COL2A1: variants seen among roughly 807,000 people sequenced by gnomAD.
The protein encoded by COL2A1 is collagen type II alpha 1 chain.
COL2A1 carries 28 observed loss-of-function variants against 204.5 expected under a neutral mutation model. That is an observed-to-expected ratio of 0.14 (90% CI 0.10 to 0.19). COL2A1 has a LOEUF of 0.19. COL2A1 is among the 10% of genes least tolerant of loss of function. The probability of loss-of-function intolerance (pLI) is 1.00; values close to 1 mark genes in which losing one functional copy is unlikely to be tolerated. For synonymous variants in COL2A1, 708 were observed against 718.7 expected, an observed-to-expected ratio of 0.99 and a Z score of 0.24; for missense variants, 1,388 against 2,027.5, an observed-to-expected ratio of 0.68 and a Z score of 6.06.
rs141423593 is a variant in COL2A1, at chr12:47,980,605, G to A, written c.2574C>T (p.Gly858=). 5,612 of 1,612,844 alleles carry A rather than the reference G, an allele frequency of 3.5e-3. 18 individuals are homozygous for A. The highest frequency in any genetic ancestry group is 4.1e-3 in the Non-Finnish European group (4,837 of 1,179,650). ...CCTGAGGACCAGGGGCACCAGCATC[G>A]CCTTTCTGGCCGGCCTCTCCTTGCT... ...KGEQGEAGQK[G]DAGAPGPQGP... is the part of the protein sequence containing the mutation. The change falls in exon 39 of 54, where the codon GGC becomes GGT. Residue 858 remains glycine (G), a synonymous_variant. Coordinates refer to ENST00000380518, the MANE Select transcript of COL2A1 (RefSeq NM_001844.5). This position sits in a 1 kb window ranked among gnomAD's most constrained non-coding sequence, Gnocchi z 4.5.
At chr12:47,999,679 GTC>G in intron 2 of COL2A1, 2 of 327,460 alleles carry the variant, frequency 6.1e-6, no homozygotes, top group Non-Finnish European at 1.0e-5. Context: ...TCCTTCATGT[GTC>G]TTGGAAGCAA....
intron 16 of COL2A1, among the ~76,000 whole-genome samples, chr12:47,990,562 T>C (rs565115269): frequency 6.6e-5 from 10 of 152,308 alleles, no homozygotes; most frequent in Non-Finnish European, 1.2e-4. Context: ...AGGTTGCCTC[T>C]TCCTCTGGCC....
At chr12:47,982,682 TAACCAGG>T in intron 33 of COL2A1, 73 bp from the exon 34 acceptor site, 3 of 1,323,602 alleles carry the variant, frequency 2.3e-6, no homozygotes, top group Non-Finnish European at 3.2e-6. Flanking sequence ...GGAGCCTGGG[TAACCAGG>T]GCCCCAAACC....
At position 47,985,774 on chromosome 12, in the gene COL2A1, T is replaced by C. The variant is rs145042175; in HGVS notation, c.1634A>G (p.Asn545Ser). 1.4e-4 allele frequency: 230 copies of C among 1,613,548 alleles called. No individual in the cohort carries two copies. The highest frequency in any genetic ancestry group is 3.3e-4 in the Middle Eastern group (2 of 6,084). Residue 545 changes from asparagine (N) to serine (S), a missense_variant, in exon 25 of 54, where the codon AAC becomes AGC. Transcript: ENST00000380518. ...TTCTCCAGGACGGCCAGGGTCACCG[T>C]TGGCTCCCTTGGGGCCAGCAAGACC... ...PSGLAGPKGA[N>S]GDPGRPGEPG... is the part of the protein sequence containing the mutation.
chr12:47,989,380 A>T, intron 17 of COL2A1, 99 bp from the exon 18 acceptor site: 1 of 976,878 alleles, frequency 1.0e-6, no homozygotes, highest in Non-Finnish European at 1.6e-6. Flanking sequence ...CTCTGTACTG[A>T]TTTCACTCCA....
rs528554971 is a variant in COL2A1, at chr12:47,989,773, G to A, written c.1056C>T (p.Pro352=). ...GAAATGAACTTACCGGAGGCCCTGC[G>A]GGGCCTGGCTGACCATCGTTGCCTC... ...GARGNDGQPG[P]AGPPGPVGPA... Residue 352 remains proline (P), a synonymous_variant, in exon 17 of 54, where the codon CCC becomes CCT. Coordinates refer to ENST00000380518, the MANE Select transcript of COL2A1 (RefSeq NM_001844.5). 8.6e-5 allele frequency: 138 copies of A among 1,613,488 alleles called. No homozygotes were observed. The East Asian group carries it at 9.1e-4, about 11-fold the overall frequency.
chr12:47,989,200 G>A lies in COL2A1; in HGVS notation c.1122+28C>T, dbSNP rs200223829. 2.7e-5 allele frequency: 43 copies of A among 1,599,922 alleles called. No individual in the cohort carries two copies. The Admixed American group carries it at 3.4e-4, about 13-fold the overall frequency. ...AAGGACAGCTTCTCGGCACCCAGAAGTTCCTGACTGGACAACAGGGCACGT... is the reference window on the plus strand; with the variant it reads ...AAGGACAGCTTCTCGGCACCCAGAAATTCCTGACTGGACAACAGGGCACGT... On this transcript the variant is annotated intron_variant, in intron 18 of 53. Transcript: ENST00000380518.
chr12:47,981,485 G>A (rs992066361), intron 36 of COL2A1, 89 bp from the exon 37 acceptor site: 57 of 1,204,056 alleles, frequency 4.7e-5, no homozygotes, highest in Middle Eastern at 2.1e-4. Context: ...GGCCTTGCTC[G>A]TGGGAAGGGG....
chr12:47,999,146 A>G (rs1459797589), intron 2 of COL2A1, among the ~76,000 whole-genome samples: 2 of 152,216 alleles, frequency 1.3e-5, no homozygotes, highest in Non-Finnish European at 2.9e-5. Context: ...AGCAAGAGCT[A>G]CCCAAAAAAC....
chr12:47,981,667 C>G, intron 36 of COL2A1, 109 bp downstream of exon 36: 1 of 1,304,206 alleles, frequency 7.7e-7, no homozygotes, highest in Non-Finnish European at 1.1e-6. Context: ...CGGCCTTGGC[C>G]GAGGGTGACA....
At chr12:47,983,838 C>T (rs977448588) in intron 29 of COL2A1, 102 bp from the exon 30 acceptor site, 15 of 1,231,078 alleles carry the variant, frequency 1.2e-5, no homozygotes, top group African/African-American at 3.0e-5. Flanking sequence ...GCAGCACAGG[C>T]GTCTTCCTGC....
chr12:47,982,361 G>T, intron 34 of COL2A1, 141 bp downstream of exon 34: 1 of 815,150 alleles, frequency 1.2e-6, no homozygotes, highest in Non-Finnish European at 2.1e-6. Context: ...AGGGAGCTTT[G>T]GAAAGGAGTC....
In COL2A1 at chr12:47,973,377, A is replaced by C; in HGVS notation, c.*30T>G. Reference sequence around the variant, plus strand: ...AGTACTTGGGTCCTTTGGGTTTGCAACGGATTGTGTTGTTTCTGGGTTCAG... The same window carrying C: ...AGTACTTGGGTCCTTTGGGTTTGCACCGGATTGTGTTGTTTCTGGGTTCAG... On this transcript the variant is annotated 3_prime_UTR_variant, in exon 54 of 54. Coordinates refer to ENST00000380518, the MANE Select transcript of COL2A1 (RefSeq NM_001844.5). The C allele has an allele frequency of 6.2e-7, 1 of 1,614,102 alleles. No individual in the cohort carries two copies. Among genetic ancestry groups the C allele is most frequent in the African/African-American group, 1.3e-5 (1 of 75,010 alleles).
intron 16 of COL2A1, among the ~76,000 whole-genome samples, chr12:47,991,789 C>T (rs1021707305): frequency 4.6e-5 from 7 of 152,194 alleles, no homozygotes; most frequent in Admixed American, 1.3e-4. Flanking sequence ...GGCCACAAGC[C>T]AGCATCCTGC....
At chr12:47,979,232 A>G (rs1424147351) in intron 41 of COL2A1, among the ~76,000 whole-genome samples, 1 of 152,160 alleles carries the variant, frequency 6.6e-6, no homozygotes, top group Non-Finnish European at 1.5e-5. Flanking sequence ...TGCACAGAAC[A>G]TGCTCAAGAA....
intron 16 of COL2A1, among the ~76,000 whole-genome samples, chr12:47,991,780 G>A (rs1592226854): frequency 6.6e-6 from 1 of 152,158 alleles, no homozygotes; most frequent in Non-Finnish European, 1.5e-5. Flanking sequence ...TCGCTAAAAG[G>A]CCACAAGCCA....
In COL2A1 at chr12:48,004,312, G is replaced by A; in HGVS notation, c.10C>T (p.Leu4Phe). The change falls in exon 1 of 54, where the codon CTC (leucine) becomes TTC (phenylalanine). Residue 4 changes from leucine to phenylalanine, a missense_variant. Physicochemically the swap from Leu to Phe is conservative, Grantham distance 22. Transcript: ENST00000380518. Reference sequence around the variant, plus strand: ...AGCACCAGCGTCTGGGGAGCCCCGAGGCGAATCATGGCTCACCGCGGGGCC... The same window carrying A: ...AGCACCAGCGTCTGGGGAGCCCCGAAGCGAATCATGGCTCACCGCGGGGCC... MIR[L>F]GAPQTLVLLT... The A allele has an allele frequency of 6.5e-7, 1 of 1,546,832 alleles. No homozygotes were observed. The highest frequency in any genetic ancestry group is 8.7e-7 in the Non-Finnish European group (1 of 1,143,826).
rs1362181210 is a variant in COL2A1, at chr12:47,989,299, A to G, written c.1069-18T>C. 3 of 1,610,310 alleles carry G rather than the reference A, an allele frequency of 1.9e-6. No homozygotes were observed. The highest frequency in any genetic ancestry group is 2.5e-6 in the Non-Finnish European group (3 of 1,178,576). ...ACAGGACCCTGGAGAGAGTAGGCGGATGAGAAGAGAGGTGAATGCCAGTTC... is the reference window on the plus strand; with the variant it reads ...ACAGGACCCTGGAGAGAGTAGGCGGGTGAGAAGAGAGGTGAATGCCAGTTC... On this transcript the variant is annotated intron_variant, in intron 17 of 53. Transcript: ENST00000380518.
At position 47,976,257 on chromosome 12, in the gene COL2A1, G is replaced by T. The variant is rs1049573544; in HGVS notation, c.3490-187C>A. Among the ~76,000 whole-genome samples, 3 of 152,334 alleles carry T rather than the reference G, an allele frequency of 2.0e-5. No individual in the cohort carries two copies. The South Asian group carries it at 6.2e-4, about 32-fold the overall frequency. Reference sequence around the variant, plus strand: ...AACCAGCAGGATAGCTCCATGGCTTGCCTACCCTCCTAAGCTCCTCTTTGT... The same window carrying T: ...AACCAGCAGGATAGCTCCATGGCTTTCCTACCCTCCTAAGCTCCTCTTTGT... On this transcript the variant is annotated intron_variant, in intron 49 of 53. Coordinates refer to ENST00000380518, the MANE Select transcript of COL2A1 (RefSeq NM_001844.5). This position sits in a 1 kb window ranked among gnomAD's most constrained non-coding sequence, Gnocchi z 4.3.
Sources: allele counts gnomAD v4.1 joint callset (sites outside exome capture counted in the v4.1 genomes callset), GRCh38; gene constraint gnomAD v4.1.1; non-coding constraint Gnocchi (gnomAD v3.1); transcripts MANE v1.5; gene names NCBI Gene and HGNC (gene_info 2026-07-23, HGNC 2026-07-21).